EXOC6B: variants seen among roughly 807,000 people sequenced by gnomAD.
The protein encoded by EXOC6B is SEC15 homolog B.
A neutral mutation model predicts 113.5 loss-of-function variants in EXOC6B; 54 were observed. The ratio of observed to expected loss-of-function variants is 0.48; its 90% confidence interval spans 0.38 to 0.60. EXOC6B has a LOEUF of 0.60. EXOC6B is among the 20% of genes least tolerant of loss of function. The pLI is 0.00. For synonymous variants in EXOC6B, 357 were observed against 339.0 expected, an observed-to-expected ratio of 1.05 and a Z score of -0.58; for missense variants, 797 against 977.5, an observed-to-expected ratio of 0.82 and a Z score of 2.46.
At chr2:72,402,005 CA>C (rs986662686) in intron 18 of EXOC6B, among the ~76,000 whole-genome samples, 1 of 151,194 alleles carries the variant, frequency 6.6e-6, no homozygotes, top group African/African-American at 2.4e-5. Context: ...ATTTTTTAGA[CA>C]AAAAAATGGC....
rs114017717 is a variant in EXOC6B, at chr2:72,280,468, C to T, written c.2196+54479G>A. 5.4e-3 allele frequency among the ~76,000 whole-genome samples: 815 copies of T among 152,100 alleles called. 8 individuals are homozygous for T. Among genetic ancestry groups the T allele is most frequent in the African/African-American group, 0.018 (758 of 41,500 alleles). On this transcript the variant is annotated intron_variant, in intron 20 of 21. Coordinates refer to ENST00000272427, the MANE Select transcript of EXOC6B (RefSeq NM_015189.3). ...ATGTTAACCTATAAGAATCACTGGA[C>T]ATTAAAATTAAACATAACTTCAGAG...
intron 6 of EXOC6B, among the ~76,000 whole-genome samples, chr2:72,701,594 C>T (rs955877779): frequency 1.3e-5 from 2 of 152,040 alleles, no homozygotes; most frequent in South Asian, 4.1e-4. Context: ...AAGATGAAAT[C>T]AATTCAGATT....
At position 72,178,583 on chromosome 2, in the gene EXOC6B, C is replaced by G. The variant is rs1281563704; in HGVS notation, c.*752G>C. 1 of 152,138 alleles carries G rather than the reference C, an allele frequency of 6.6e-6. No homozygotes were observed. The highest frequency in any genetic ancestry group is 2.4e-5 in the African/African-American group (1 of 41,424). The allele number at this position is 152,138 out of a possible 1,614,324, so 9.4% of individuals were successfully genotyped here. On this transcript the variant is annotated 3_prime_UTR_variant, in exon 22 of 22. Coordinates refer to ENST00000272427, the MANE Select transcript of EXOC6B (RefSeq NM_015189.3). ...TTCCATGAAAACTGGCTTTCAAGAT[C>G]CAGAAAAACTCTTCGAGTTGAGACT... is the stretch of plus-strand genomic sequence containing the variant.
chr2:72,397,390 G>T (rs1474456906), intron 18 of EXOC6B, among the ~76,000 whole-genome samples: 3 of 151,996 alleles, frequency 2.0e-5, no homozygotes, highest in African/African-American at 7.3e-5. Flanking sequence ...GGAGGCCGAG[G>T]CAGATGGATC....
chr2:72,341,875 TTG>T (rs1689049935), intron 19 of EXOC6B, among the ~76,000 whole-genome samples: 1 of 152,108 alleles, frequency 6.6e-6, no homozygotes, highest in Non-Finnish European at 1.5e-5. Flanking sequence ...TTTAACATGA[TTG>T]TAATCATCTT....
chr2:72,737,690 C>T (rs1229371154), intron 2 of EXOC6B, among the ~76,000 whole-genome samples: 1 of 151,978 alleles, frequency 6.6e-6, no homozygotes, highest in Non-Finnish European at 1.5e-5. Flanking sequence ...CCCATCTCTA[C>T]CAAAAATACA....
At chr2:72,733,960 A>T (rs945621364) in intron 2 of EXOC6B, among the ~76,000 whole-genome samples, 63 of 152,342 alleles carry the variant, frequency 4.1e-4, no homozygotes, top group African/African-American at 1.5e-3. Context: ...GTTACTTAGC[A>T]GGTACTCTGC....
At position 72,176,748 on chromosome 2, in the gene EXOC6B, G is replaced by A. The variant is rs1364188303; in HGVS notation, c.*2587C>T. On this transcript the variant is annotated 3_prime_UTR_variant, in exon 22 of 22. Coordinates refer to ENST00000272427, the MANE Select transcript of EXOC6B (RefSeq NM_015189.3). ...CTGTCCCTTCAGGAATATAGACCTG[G>A]TTTCCTCAAGAACTTGGCCAAGGGT... is the stretch of plus-strand genomic sequence containing the variant. The A allele has an allele frequency of 2.6e-5, 4 of 152,194 alleles. No individual in the cohort carries two copies. The highest frequency in any genetic ancestry group is 2.9e-5 in the Non-Finnish European group (2 of 68,046). The allele number at this position is 152,194 out of a possible 1,614,324, so 9.4% of individuals were successfully genotyped here.
At chr2:72,415,501 G>A (rs570978674) in intron 18 of EXOC6B, among the ~76,000 whole-genome samples, 2 of 151,320 alleles carry the variant, frequency 1.3e-5, no homozygotes, top group Non-Finnish European at 1.5e-5. Context: ...ATGTATGAAA[G>A]TCATTCCATC....
chr2:72,415,640 TA>T (rs1399561342), intron 18 of EXOC6B, among the ~76,000 whole-genome samples: 1 of 151,732 alleles, frequency 6.6e-6, no homozygotes, highest in Non-Finnish European at 1.5e-5. Flanking sequence ...CATGCAAGCA[TA>T]AAAGCCAACT....
intron 20 of EXOC6B, among the ~76,000 whole-genome samples, chr2:72,287,049 T>A (rs1274772584): frequency 6.6e-6 from 1 of 151,940 alleles, no homozygotes; most frequent in Non-Finnish European, 1.5e-5. Flanking sequence ...GAATTATGGA[T>A]CTAGGTATGC....
chr2:72,254,090 G>A (rs1043620890), intron 20 of EXOC6B, among the ~76,000 whole-genome samples: 1 of 151,512 alleles, frequency 6.6e-6, no homozygotes, highest in African/African-American at 2.4e-5. Context: ...AACCCAGGAG[G>A]AGGAGGTTGC....
At chr2:72,594,191 C>T (rs1006136863) in intron 6 of EXOC6B, among the ~76,000 whole-genome samples, 6 of 152,024 alleles carry the variant, frequency 3.9e-5, no homozygotes, top group African/African-American at 1.5e-4. Flanking sequence ...CTATGTTGCC[C>T]GGGCTGCTCT....
intron 17 of EXOC6B, among the ~76,000 whole-genome samples, chr2:72,478,802 T>C (rs1176337492): frequency 1.3e-5 from 2 of 152,272 alleles, no homozygotes; most frequent in Non-Finnish European, 2.9e-5. Context: ...ATTCTTCTTT[T>C]GATAGACAAA....
At chr2:72,225,835 TA>T (rs946295528) in intron 20 of EXOC6B, among the ~76,000 whole-genome samples, 1 of 152,156 alleles carries the variant, frequency 6.6e-6, no homozygotes, top group Admixed American at 6.5e-5. Context: ...TAAACAACTA[TA>T]AAAAATGACA....
intron 1 of EXOC6B, among the ~76,000 whole-genome samples, chr2:72,796,322 G>A (rs1684946424): frequency 6.6e-6 from 1 of 151,440 alleles, no homozygotes; most frequent in East Asian, 2.0e-4. Flanking sequence ...GTGTGGTGGC[G>A]AGTGCTTGTA....
chr2:72,282,920 G>T (rs1292484999), intron 20 of EXOC6B, among the ~76,000 whole-genome samples: 1 of 152,012 alleles, frequency 6.6e-6, no homozygotes, highest in Non-Finnish European at 1.5e-5. Context: ...AGAAAAAATG[G>T]CAGGACTAAC....
intron 6 of EXOC6B, among the ~76,000 whole-genome samples, chr2:72,608,286 T>C (rs1670869825): frequency 6.6e-6 from 1 of 152,108 alleles, no homozygotes; most frequent in African/African-American, 2.4e-5. Context: ...AGAGGCAAGT[T>C]TCAAAAGCAG....
chr2:72,503,430 T>C (rs1433485514), intron 11 of EXOC6B, among the ~76,000 whole-genome samples: 1 of 152,240 alleles, frequency 6.6e-6, no homozygotes, highest in East Asian at 1.9e-4. Flanking sequence ...GAATGGCATA[T>C]AGTTGGGATC....
Sources: allele counts gnomAD v4.1 joint callset (sites outside exome capture counted in the v4.1 genomes callset), GRCh38; gene constraint gnomAD v4.1.1; transcripts MANE v1.5; gene names NCBI Gene and HGNC (gene_info 2026-07-23, HGNC 2026-07-21).